Variants in GRIA4 observed in about 807,000 individuals in gnomAD.
GRIA4 encodes glutamate receptor 4.
GRIA4 carries 34 observed loss-of-function variants against 104.0 expected under a neutral mutation model. That is an observed-to-expected ratio of 0.33 (90% CI 0.25 to 0.44). The LOEUF (loss-of-function observed/expected upper bound fraction) is 0.44, where lower values mean the gene tolerates loss of function less well. Among genes scored for constraint, GRIA4 ranks in the 20% least tolerant of loss-of-function variants. The pLI is 1.00. For missense variants in GRIA4, 750 were observed against 1,096.5 expected (o/e 0.68, Z 4.46); for synonymous variants, 386 against 381.9 (o/e 1.01, Z -0.13).
At chr11:105,669,698 T>G (rs1952298367) in intron 3 of GRIA4, among the ~76,000 whole-genome samples, 1 of 152,128 alleles carries the variant, frequency 6.6e-6, no homozygotes, top group Non-Finnish European at 1.5e-5. Flanking sequence ...CTCCTCTATA[T>G]CTCAGGTATG....
At chr11:105,934,108 T>C in intron 14 of GRIA4, 139 bp downstream of exon 14, 1 of 782,534 alleles carries the variant, frequency 1.3e-6, no homozygotes, top group Non-Finnish European at 2.0e-6. Flanking sequence ...ATTTCATATA[T>C]TTTGGTCAAC....
At chr11:105,903,068 C>G (rs1226049922) in intron 7 of GRIA4, among the ~76,000 whole-genome samples, 1 of 152,104 alleles carries the variant, frequency 6.6e-6, no homozygotes, top group Non-Finnish European at 1.5e-5. Context: ...GGGGGGAGCT[C>G]ACTCTTTTCT....
chr11:105,717,586 T>C (rs1167170631), intron 3 of GRIA4, among the ~76,000 whole-genome samples: 1 of 151,952 alleles, frequency 6.6e-6, no homozygotes, highest in African/African-American at 2.4e-5. Context: ...AAGTACAAAT[T>C]CCAATGGTAA....
intron 3 of GRIA4, among the ~76,000 whole-genome samples, chr11:105,722,809 A>C (rs1434717436): frequency 6.6e-6 from 1 of 152,246 alleles, no homozygotes; most frequent in East Asian, 1.9e-4. Flanking sequence ...ATAAGTAAAA[A>C]TTTAGATAAA....
chr11:105,714,276 T>C (rs1954015684), intron 3 of GRIA4, among the ~76,000 whole-genome samples: 1 of 151,836 alleles, frequency 6.6e-6, no homozygotes, highest in Non-Finnish European at 1.5e-5. Flanking sequence ...TCAATATATA[T>C]AATTGAAACT....
chr11:105,625,700 T>C (rs1371692105), intron 3 of GRIA4, among the ~76,000 whole-genome samples: 1 of 152,122 alleles, frequency 6.6e-6, no homozygotes, highest in Non-Finnish European at 1.5e-5. Flanking sequence ...CTTCCAATTA[T>C]TTAGGCATTG....
chr11:105,955,900 A>T (rs1948575732), intron 14 of GRIA4, among the ~76,000 whole-genome samples: 1 of 151,684 alleles, frequency 6.6e-6, no homozygotes, highest in Non-Finnish European at 1.5e-5. Flanking sequence ...TCATATGTTT[A>T]TTGGCTGTGT....
intron 4 of GRIA4, among the ~76,000 whole-genome samples, chr11:105,796,569 C>T (rs1253396591): frequency 2.0e-5 from 3 of 152,120 alleles, no homozygotes; most frequent in Non-Finnish European, 4.4e-5. Context: ...CATCAGTGTT[C>T]TGGTTTCTCC....
chr11:105,932,580 G>A (rs1043280760), intron 13 of GRIA4, among the ~76,000 whole-genome samples: 6 of 152,158 alleles, frequency 3.9e-5, no homozygotes, highest in Non-Finnish European at 5.9e-5. Flanking sequence ...ATTAAGTAGT[G>A]AGAGTAATGT....
chr11:105,624,529 T>C (rs1034578110), intron 3 of GRIA4, among the ~76,000 whole-genome samples: 7 of 152,248 alleles, frequency 4.6e-5, no homozygotes, highest in African/African-American at 1.7e-4. Flanking sequence ...GCACCTTCTA[T>C]GGTAAATCTC....
intron 3 of GRIA4, among the ~76,000 whole-genome samples, chr11:105,635,608 T>A (rs1244898088): frequency 1.3e-5 from 2 of 152,156 alleles, no homozygotes; most frequent in East Asian, 3.9e-4. Flanking sequence ...TTCAAATAAC[T>A]AGAGGCATGA....
chr11:105,774,024 T>G (rs1941343654), intron 4 of GRIA4, among the ~76,000 whole-genome samples: 1 of 151,776 alleles, frequency 6.6e-6, no homozygotes, highest in African/African-American at 2.4e-5. Flanking sequence ...TAAATTTTTT[T>G]GTATATGTTT....
intron 15 of GRIA4, among the ~76,000 whole-genome samples, chr11:105,973,422 G>A (rs1207508438): frequency 6.6e-6 from 1 of 151,876 alleles, no homozygotes; most frequent in Non-Finnish European, 1.5e-5. Flanking sequence ...ATAAGAGTAG[G>A]ACTTAGGGAT....
chr11:105,898,416 A>G lies in GRIA4; in HGVS notation c.874A>G (p.Thr292Ala), dbSNP rs1565326138. Residue 292 changes from threonine (T) to alanine (A), a missense_variant, in exon 7 of 17, where the codon ACT becomes GCT. Coordinates refer to ENST00000282499, the MANE Select transcript of GRIA4 (RefSeq NM_000829.4). ...TCAGAGAGAGTATCCAGGATCTGAG[A>G]CTCCTCCAAAGGTATTTGTTTATTT... is the stretch of plus-strand genomic sequence containing the variant. ...LDQREYPGSETPPKYTSALTY... is the reference protein window; with the variant it reads ...LDQREYPGSEAPPKYTSALTY... 2 of 1,571,970 alleles carry G rather than the reference A, an allele frequency of 1.3e-6. No individual in the cohort carries two copies. The highest frequency in any genetic ancestry group is 1.7e-6 in the Non-Finnish European group (2 of 1,143,560).
intron 5 of GRIA4, among the ~76,000 whole-genome samples, chr11:105,871,016 G>A (rs1328266810): frequency 6.6e-6 from 1 of 151,962 alleles, no homozygotes; most frequent in Non-Finnish European, 1.5e-5. Flanking sequence ...AACTTAATTT[G>A]TTTGACATCT....
intron 4 of GRIA4, among the ~76,000 whole-genome samples, chr11:105,813,165 G>A (rs2135877402): frequency 6.6e-6 from 1 of 151,590 alleles, no homozygotes; most frequent in East Asian, 2.0e-4. Flanking sequence ...CATCTAGGCT[G>A]GGAAATAAAT....
intron 9 of GRIA4, among the ~76,000 whole-genome samples, chr11:105,907,405 G>A (rs1391051818): frequency 6.6e-6 from 1 of 152,242 alleles, no homozygotes; most frequent in South Asian, 2.1e-4. Context: ...GAGACACTAT[G>A]CTGGTGAAAC....
intron 4 of GRIA4, among the ~76,000 whole-genome samples, chr11:105,757,537 C>G (rs1294320523): frequency 6.6e-6 from 1 of 152,092 alleles, no homozygotes; most frequent in African/African-American, 2.4e-5. Context: ...AATACAGAAG[C>G]CTGCAGAGGG....
intron 4 of GRIA4, among the ~76,000 whole-genome samples, chr11:105,828,462 C>T (rs1435279297): frequency 1.3e-5 from 2 of 151,854 alleles, no homozygotes; most frequent in East Asian, 1.9e-4. Context: ...GAAATGCTAC[C>T]TAGGCAGCAC....
Sources: allele counts gnomAD v4.1 joint callset (sites outside exome capture counted in the v4.1 genomes callset), GRCh38; gene constraint gnomAD v4.1.1; transcripts MANE v1.5; gene names NCBI Gene and HGNC (gene_info 2026-07-23, HGNC 2026-07-21).